Variants in FAM120A observed in about 807,000 individuals in gnomAD.
FAM120A encodes the protein family with sequence similarity 120 member A, also known as constitutive coactivator of PPAR-gamma-like protein 1.
A neutral mutation model predicts 109.7 loss-of-function variants in FAM120A; 15 were observed. The ratio of observed to expected loss-of-function variants is 0.14; its 90% CI spans 0.09 to 0.21. The LOEUF is 0.21. FAM120A is among the 10% of genes least tolerant of loss of function. The pLI is 1.00. For synonymous variants in FAM120A, 493 were observed against 572.8 expected (o/e 0.86, Z 1.99); for missense variants, 899 against 1,439.3 (o/e 0.62, Z 6.07).
chr9:93,461,323 G>A (rs1857782252), intron 1 of FAM120A, among the ~76,000 whole-genome samples: 1 of 152,168 alleles, frequency 6.6e-6, no homozygotes, highest in Non-Finnish European at 1.5e-5. Flanking sequence ...GCACATTTAT[G>A]AATAGTAGTA....
At chr9:93,483,458 A>G (rs765427778) in intron 3 of FAM120A, among the ~76,000 whole-genome samples, 2 of 152,072 alleles carry the variant, frequency 1.3e-5, no homozygotes, top group Non-Finnish European at 2.9e-5. Flanking sequence ...GAACCCTCTG[A>G]TTTTGTTAAT....
At chr9:93,555,190 T>TA (rs1862249901) in intron 12 of FAM120A, among the ~76,000 whole-genome samples, 1 of 152,192 alleles carries the variant, frequency 6.6e-6, no homozygotes, top group Non-Finnish European at 1.5e-5. Context: ...GAACATTTTT[T>TA]AGTTCACTTC....
At chr9:93,519,314 T>A (rs1860744450) in intron 7 of FAM120A, among the ~76,000 whole-genome samples, 1 of 152,194 alleles carries the variant, frequency 6.6e-6, no homozygotes, top group South Asian at 2.1e-4. Flanking sequence ...TGATCTCGGC[T>A]AACTGCAACC....
chr9:93,480,007 G>C (rs1209371317), intron 3 of FAM120A, among the ~76,000 whole-genome samples: 1 of 152,144 alleles, frequency 6.6e-6, no homozygotes, highest in Non-Finnish European at 1.5e-5. Flanking sequence ...ATTCTGTTTT[G>C]TCCTGCCTTA....
In FAM120A at chr9:93,550,640, T is replaced by C. The variant is rs1172140805; in HGVS notation, c.2223T>C (p.Ala741=). The change falls in exon 12 of 18, where the codon GCT becomes GCC. Residue 741 remains alanine, a synonymous_variant. Transcript: ENST00000277165. ...GTCAGGAGCTAGATGCCTTCCTGGC[T>C]CAGGCGCTGTCCCCCAAACTCTACG... The part of the protein sequence containing the change: ...LRRQELDAFL[A]QALSPKLYEP... 12 of 1,614,004 alleles carry C rather than the reference T, an allele frequency of 7.4e-6. No individual in the cohort carries two copies. Among genetic ancestry groups the C allele is most frequent in the Non-Finnish European group, 1.0e-5 (12 of 1,180,026 alleles).
At chr9:93,454,676 C>T (rs1185613132) in intron 1 of FAM120A, among the ~76,000 whole-genome samples, 3 of 152,158 alleles carry the variant, frequency 2.0e-5, no homozygotes, top group African/African-American at 7.2e-5. Context: ...AGGAAAACAA[C>T]CCTATGTACT....
chr9:93,562,234 C>A lies in FAM120A; in HGVS notation c.2975C>A (p.Pro992Gln), dbSNP rs1564363329. The change falls in exon 17 of 18, where the codon CCA becomes CAA. Residue 992 changes from proline to glutamine, a missense_variant. Coordinates refer to ENST00000277165, the MANE Select transcript of FAM120A (RefSeq NM_014612.5). Reference sequence around the variant, plus strand: ...CGTCCAAGAGGAGTTATTTCCACCCCAGTGATTAGAACATTTGGAAGAGGT... The same window carrying A: ...CGTCCAAGAGGAGTTATTTCCACCCAAGTGATTAGAACATTTGGAAGAGGT... ...RGRPRGVIST[P>Q]VIRTFGRGGR... The A allele has an allele frequency of 6.2e-7, 1 of 1,614,070 alleles. No individual in the cohort carries two copies. Among genetic ancestry groups the A allele is most frequent in the Non-Finnish European group, 8.5e-7 (1 of 1,179,942 alleles).
chr9:93,551,020 C>T (rs1440222100), intron 12 of FAM120A, among the ~76,000 whole-genome samples: 2 of 152,116 alleles, frequency 1.3e-5, no homozygotes, highest in African/African-American at 4.8e-5. Context: ...GGGGGGGATT[C>T]CAAACCCTGA....
intron 1 of FAM120A, among the ~76,000 whole-genome samples, chr9:93,458,085 A>G (rs1857632533): frequency 6.6e-6 from 1 of 152,018 alleles, no homozygotes; most frequent in Non-Finnish European, 1.5e-5. Context: ...ACACTTCAGC[A>G]CCTGGTTTTA....
intron 12 of FAM120A, among the ~76,000 whole-genome samples, chr9:93,553,848 ATTTCT>A (rs756096717): frequency 2.6e-5 from 4 of 152,092 alleles, no homozygotes; most frequent in Non-Finnish European, 4.4e-5. Context: ...CTTGATATAT[ATTTCT>A]TAAGTTCCCC....
At chr9:93,520,746 G>A (rs1860812350) in intron 7 of FAM120A, among the ~76,000 whole-genome samples, 1 of 152,154 alleles carries the variant, frequency 6.6e-6, no homozygotes, top group Admixed American at 6.5e-5. Context: ...AGGGTTCATT[G>A]CACAGGAGCC....
chr9:93,557,787 C>T lies in FAM120A; in HGVS notation c.2485-40C>T, dbSNP rs1207060932. On this transcript the variant is annotated intron_variant, in intron 13 of 17. Transcript: ENST00000277165. The stretch of plus-strand genomic sequence containing the variant: ...CTCATTTAAATTCAATTAAAACCCC[C>T]TGTGGATGGCATTTTCACATGCTGG... 3.2e-6 allele frequency: 5 copies of T among 1,586,336 alleles called. No homozygotes were observed. In the African/African-American group the frequency reaches 5.4e-5, roughly 17 times the overall value.
At position 93,498,219 on chromosome 9, in the gene FAM120A, C is replaced by G; in HGVS notation, c.934-571C>G. 6.6e-6 allele frequency among the ~76,000 whole-genome samples: 1 copy of G among 152,152 alleles called. No individual in the cohort carries two copies. Among genetic ancestry groups the G allele is most frequent in the Admixed American group, 6.5e-5 (1 of 15,278 alleles). Reference sequence around the variant, plus strand: ...ACTAGCCTGGCCAACATGGTGAAACCCTGTCTCTATTAAAAATACAAAAAT... The same window carrying G: ...ACTAGCCTGGCCAACATGGTGAAACGCTGTCTCTATTAAAAATACAAAAAT... On this transcript the variant is annotated intron_variant, in intron 4 of 17. Transcript: ENST00000277165. The surrounding 1 kb of genome is among the most constrained non-coding windows in gnomAD (Gnocchi z 4.4).
intron 12 of FAM120A, 144 bp from the exon 13 acceptor site, chr9:93,556,238 A>G (rs1298774863): frequency 6.4e-6 from 4 of 629,198 alleles, no homozygotes; most frequent in South Asian, 1.9e-5. Flanking sequence ...GTGTTAGGTC[A>G]ATATAAGGTA....
rs1192691202 is a variant in FAM120A, at chr9:93,562,214, A to C, written c.2955A>C (p.Pro985=). The change falls in exon 17 of 18, where the codon CCA becomes CCC. Residue 985 remains proline, a synonymous_variant. Transcript: ENST00000277165. ...VSVGGPARGR[P]RGVISTPVIR... ...TCCTTTTTCATTCATTTAGGCGTCCAAGAGGAGTTATTTCCACCCCAGTGA... is the reference window on the plus strand; with the variant it reads ...TCCTTTTTCATTCATTTAGGCGTCCCAGAGGAGTTATTTCCACCCCAGTGA... 7.4e-6 allele frequency: 12 copies of C among 1,613,768 alleles called. No homozygotes were observed. The highest frequency in any genetic ancestry group is 9.3e-6 in the Non-Finnish European group (11 of 1,179,616).
intron 10 of FAM120A, among the ~76,000 whole-genome samples, chr9:93,539,144 C>T (rs951412895): frequency 2.6e-5 from 4 of 152,114 alleles, no homozygotes; most frequent in African/African-American, 7.2e-5. Context: ...ACTGCAGGCA[C>T]CTGCCACCAT....
chr9:93,458,995 C>T (rs1176306831), intron 1 of FAM120A, among the ~76,000 whole-genome samples: 1 of 152,186 alleles, frequency 6.6e-6, no homozygotes, highest in Non-Finnish European at 1.5e-5. Flanking sequence ...TCACTATTTC[C>T]CCAAGAAATA....
intron 3 of FAM120A, among the ~76,000 whole-genome samples, chr9:93,480,997 C>CA (rs538335791): frequency 6.6e-5 from 10 of 152,210 alleles, no homozygotes; most frequent in Non-Finnish European, 1.5e-4. Flanking sequence ...GCATGGGCTC[C>CA]AGTCCCAAGC....
At chr9:93,550,355 T>A (rs1360273917) in intron 11 of FAM120A, among the ~76,000 whole-genome samples, 1 of 152,244 alleles carries the variant, frequency 6.6e-6, no homozygotes, top group Non-Finnish European at 1.5e-5. Flanking sequence ...CAATTCAGTG[T>A]GCTATTTTTA....
Sources: gnomAD v4.1 joint callset for allele counts (sites outside exome capture counted in the v4.1 genomes callset) on GRCh38, gnomAD v4.1.1 for gene constraint, Gnocchi (gnomAD v3.1) non-coding constraint, MANE v1.5 for transcripts, NCBI Gene and HGNC (gene_info 2026-07-23, HGNC 2026-07-21) for gene names.